Variants in PITPNM2 observed in about 807,000 individuals in gnomAD.
PITPNM2 encodes the protein phosphatidylinositol transfer protein membrane associated 2.
In PITPNM2, 35 loss-of-function variants were observed where a neutral mutation model predicts 132.2. The ratio of observed to expected loss-of-function variants is 0.26; its 90% CI spans 0.20 to 0.35. The LOEUF is 0.35. PITPNM2 is among the 10% of genes least tolerant of loss of function. PITPNM2 has a pLI of 1.00. For synonymous variants in PITPNM2, 738 were observed against 799.2 expected (o/e 0.92, Z 1.29); for missense variants, 1,332 against 1,912.0 (o/e 0.70, Z 5.66).
rs935541881 is a variant in PITPNM2, at chr12:123,095,275, T to G, written c.-96+15110A>C. Among the ~76,000 whole-genome samples, 4 of 152,152 alleles carry G rather than the reference T, an allele frequency of 2.6e-5. No homozygotes were observed. The highest frequency in any genetic ancestry group is 6.5e-5 in the Admixed American group (1 of 15,288). On this transcript the variant is annotated intron_variant, in intron 2 of 25. Coordinates refer to ENST00000320201, the MANE Select transcript of PITPNM2 (RefSeq NM_020845.3). The surrounding 1 kb of genome is among the most constrained non-coding windows in gnomAD (Gnocchi z 5.0). ...GCCAAGCTTGCTGGACAGTCGCCCC[T>G]GTGGTGACAGGGAGAGCTAAGCAAA...
At chr12:123,046,681 G>GAGTC (rs2040669327) in intron 2 of PITPNM2, among the ~76,000 whole-genome samples, 1 of 152,184 alleles carries the variant, frequency 6.6e-6, no homozygotes, top group Non-Finnish European at 1.5e-5. Context: ...CCTATTGGTG[G>GAGTC]AGTCATACAA....
intron 3 of PITPNM2, among the ~76,000 whole-genome samples, chr12:123,032,319 A>T (rs534191707): frequency 6.6e-6 from 1 of 152,320 alleles, no homozygotes; most frequent in Admixed American, 6.5e-5. Flanking sequence ...TCTACTAAAA[A>T]TACGAAAATT....
chr12:123,002,048 T>C (rs1158221345), intron 8 of PITPNM2, among the ~76,000 whole-genome samples: 2 of 147,286 alleles, frequency 1.4e-5, no homozygotes, highest in African/African-American at 5.0e-5. Context: ...AAAAAAAAGC[T>C]ACATTTAGGC....
intron 16 of PITPNM2, among the ~76,000 whole-genome samples, chr12:122,991,218 G>A (rs1267109769): frequency 6.6e-6 from 1 of 152,232 alleles, no homozygotes; most frequent in African/African-American, 2.4e-5. Context: ...CCCCTGATGG[G>A]CGTTTGGGGA....
At position 122,988,258 on chromosome 12, in the gene PITPNM2, G is replaced by C. The variant is rs1489478183; in HGVS notation, c.2973C>G (p.Arg991=). Reference sequence around the variant, plus strand: ...CCCGCAGCTTCACGTGGGTCCGCTTGCGCTGCCACTTCTCCCTTGGCTTTG... The same window carrying C: ...CCCGCAGCTTCACGTGGGTCCGCTTCCGCTGCCACTTCTCCCTTGGCTTTG... The part of the protein sequence containing the change: ...TPSKPREKWQ[R]KRTHVKLRNV... Residue 991 remains arginine, a synonymous_variant, in exon 20 of 26, where the codon CGC becomes CGG. Transcript: ENST00000320201. 6.2e-7 allele frequency: 1 copy of C among 1,612,874 alleles called. No individual in the cohort carries two copies. Among genetic ancestry groups the C allele is most frequent in the Non-Finnish European group, 8.5e-7 (1 of 1,179,968 alleles).
chr12:123,109,402 G>T (rs1308004736), intron 2 of PITPNM2, among the ~76,000 whole-genome samples: 1 of 152,192 alleles, frequency 6.6e-6, no homozygotes, highest in South Asian at 2.1e-4. Context: ...CCAGCTGGGG[G>T]TGGGAGGGGA....
At position 123,004,284 on chromosome 12, in the gene PITPNM2, T is replaced by C; in HGVS notation, c.1048+110A>G. The C allele has an allele frequency of 3.0e-6, 3 of 984,164 alleles. No individual in the cohort carries two copies. Among genetic ancestry groups the C allele is most frequent in the South Asian group, 2.8e-5 (2 of 72,328 alleles). The allele number at this position is 984,164 out of a possible 1,614,324, so 61.0% of individuals were successfully genotyped here. A position where few individuals can be genotyped will look rare whatever the true frequency, so the allele number is the denominator to read the frequency against. ...GCAGGTATAGGGACTGGATATAGAA[T>C]AGTAACAGGCAACACCCGCATCAGT... On this transcript the variant is annotated intron_variant, in intron 8 of 25. Coordinates refer to ENST00000320201, the MANE Select transcript of PITPNM2 (RefSeq NM_020845.3). The surrounding 1 kb of genome is among the most constrained non-coding windows in gnomAD (Gnocchi z 4.9).
intron 1 of PITPNM2, among the ~76,000 whole-genome samples, chr12:123,143,197 T>C (rs1174794323): frequency 7.4e-6 from 1 of 135,454 alleles, no homozygotes; most frequent in African/African-American, 2.7e-5. Context: ...GCAGCACCCA[T>C]AACAAGCTCT....
Position 122,990,815 on chromosome 12 carries a change from C to G in PITPNM2, c.2405-106G>C, listed in dbSNP as rs1034030282. On this transcript the variant is annotated intron_variant, in intron 16 of 25. Transcript: ENST00000320201. ...GTCCAGTGTGCACCTAGACTGGAGG[C>G]TGGGCAGCAGCTGTGCCAGAGCCAC... 4 of 1,277,574 alleles carry G rather than the reference C, an allele frequency of 3.1e-6. No homozygotes were observed. The African/African-American group carries it at 6.0e-5, about 19-fold the overall frequency. The allele number at this position is 1,277,574 out of a possible 1,614,324, so 79.1% of individuals were successfully genotyped here.
chr12:123,011,817 G>C (rs368484839), intron 5 of PITPNM2, among the ~76,000 whole-genome samples: 2 of 152,322 alleles, frequency 1.3e-5, no homozygotes, highest in East Asian at 3.9e-4. Context: ...CCACCATGCT[G>C]TGATCTCAGA....
At chr12:123,142,579 C>T (rs2043527355) in intron 1 of PITPNM2, among the ~76,000 whole-genome samples, 1 of 152,290 alleles carries the variant, frequency 6.6e-6, no homozygotes, top group Non-Finnish European at 1.5e-5. Flanking sequence ...CTGCAGGCCT[C>T]CCACCTCCCA....
At chr12:123,087,373 C>G (rs2042141387) in intron 2 of PITPNM2, 1 of 152,136 alleles carries the variant, frequency 6.6e-6, no homozygotes, top group Admixed American at 6.5e-5. Flanking sequence ...CTGCCTCAGC[C>G]TCCCGAGTAG....
rs544132650 is a variant in PITPNM2, at chr12:123,044,199, T to G, written c.-95-9514A>C. Among the ~76,000 whole-genome samples, 23 of 152,322 alleles carry G rather than the reference T, an allele frequency of 1.5e-4. 1 individual carries two copies. The South Asian group carries it at 3.9e-3, about 26-fold the overall frequency. On this transcript the variant is annotated intron_variant, in intron 2 of 25. Transcript: ENST00000320201. ...AAGCTGTGGCTACAAAATCGTAGGC[T>G]GGGGTTTGCTCAGGGGCCTTCCTTT...
rs1377708525 is a variant in PITPNM2, at chr12:123,036,949, CCTT to C, written c.-95-2267_-95-2265del. ...TCAAGTGAAAAAAGACCATTGCTGA[CCTT>C]CTTCAAGGTCAATGGGTCTAGCTAA... On this transcript the variant is annotated intron_variant, in intron 2 of 25. Coordinates refer to ENST00000320201, the MANE Select transcript of PITPNM2 (RefSeq NM_020845.3). The surrounding 1 kb of genome is among the most constrained non-coding windows in gnomAD (Gnocchi z 4.1). Among the ~76,000 whole-genome samples, 1 of 152,268 alleles carries C rather than the reference CCTT, an allele frequency of 6.6e-6. No individual in the cohort carries two copies. Among genetic ancestry groups the C allele is most frequent in the Non-Finnish European group, 1.5e-5 (1 of 68,050 alleles).
In PITPNM2 at chr12:123,128,467, T is replaced by TG. The variant is rs1555299527; in HGVS notation, c.-199-17980dup. Among the ~76,000 whole-genome samples, 15 of 93,766 alleles carry TG rather than the reference T, an allele frequency of 1.6e-4. No individual in the cohort carries two copies. The East Asian group carries it at 4.2e-3, about 26-fold the overall frequency. 61.5% of individuals were successfully genotyped at this position (93,766 alleles called of 152,430 possible). The stretch of plus-strand genomic sequence containing the variant: ...AGTTAAAAAAAAAAAAAAAAAAAGG[T>TG]GGGGGGGCAGGCGCAGTGGCTCATG... On this transcript the variant is annotated intron_variant, in intron 1 of 25. Transcript: ENST00000320201.
chr12:123,016,579 C>A (rs190136728), intron 3 of PITPNM2, among the ~76,000 whole-genome samples: 10 of 105,360 alleles, frequency 9.5e-5, no homozygotes, highest in Non-Finnish European at 1.4e-4. Flanking sequence ...CCTAAGACTC[C>A]GTCTCAAAAA....
intron 2 of PITPNM2, among the ~76,000 whole-genome samples, chr12:123,096,750 G>A (rs1488261176): frequency 1.1e-4 from 17 of 152,220 alleles, no homozygotes; most frequent in Non-Finnish European, 2.9e-5. Flanking sequence ...CTGTACTCTT[G>A]TCAAGAGGAG....
rs1259392697 is a variant in PITPNM2 at position 123,083,832 on chromosome 12, T to G, written c.-96+26553A>C. On this transcript the variant is annotated intron_variant, in intron 2 of 25. Transcript: ENST00000320201. This position sits in a 1 kb window ranked among gnomAD's most constrained non-coding sequence, Gnocchi z 4.5. ...CTGGCCAGGAGCTGGGGTACAACCT[T>G]GACAATCACTAACCTCTCACTTCCT... The G allele has an allele frequency of 6.6e-6, 1 of 152,322 alleles. No individual in the cohort carries two copies. The highest frequency in any genetic ancestry group is 1.5e-5 in the Non-Finnish European group (1 of 68,124). 9.4% of individuals were successfully genotyped at this position (152,322 alleles called of 1,614,324 possible).
chr12:123,147,780 A>G (rs1243492192), intron 1 of PITPNM2, among the ~76,000 whole-genome samples: 1 of 152,204 alleles, frequency 6.6e-6, no homozygotes, highest in African/African-American at 2.4e-5. Flanking sequence ...ATCCAGGGAA[A>G]CTTGGGCAAG....
Sources: gnomAD v4.1 joint callset for allele counts (sites outside exome capture counted in the v4.1 genomes callset) on GRCh38, gnomAD v4.1.1 for gene constraint, Gnocchi (gnomAD v3.1) non-coding constraint, MANE v1.5 for transcripts, NCBI Gene and HGNC (gene_info 2026-07-23, HGNC 2026-07-21) for gene names.